Variants in AKAP6 observed in about 807,000 individuals in gnomAD.
AKAP6 encodes A-kinase anchor protein 6.
A neutral mutation model predicts 188.5 loss-of-function variants in AKAP6; 58 were observed. That is an observed-to-expected ratio of 0.31 (90% confidence interval 0.25 to 0.38). The LOEUF (loss-of-function observed/expected upper bound fraction) is 0.38, where lower values mean the gene tolerates loss of function less well. AKAP6 is among the 10% of genes least tolerant of loss of function. The pLI, the probability that AKAP6 is intolerant of heterozygous loss-of-function variation, is 1.00. For synonymous variants in AKAP6, 989 were observed against 998.6 expected, an observed-to-expected ratio of 0.99 and a Z score of 0.18; for missense variants, 2,710 against 2,740.0, an observed-to-expected ratio of 0.99 and a Z score of 0.24.
At chr14:32,417,465 T>C (rs1383300011) in intron 1 of AKAP6, among the ~76,000 whole-genome samples, 1 of 152,238 alleles carries the variant, frequency 6.6e-6, no homozygotes, top group Non-Finnish European at 1.5e-5. Flanking sequence ...CGTATTTCTC[T>C]GTAAAATTCA....
At chr14:32,615,999 G>A (rs1394579165) in intron 7 of AKAP6, among the ~76,000 whole-genome samples, 1 of 152,060 alleles carries the variant, frequency 6.6e-6, no homozygotes, top group East Asian at 1.9e-4. Context: ...ATGACTTCTT[G>A]GTTACCAAAT....
At chr14:32,742,820 TGAG>T (rs1020383401) in intron 11 of AKAP6, among the ~76,000 whole-genome samples, 1 of 152,114 alleles carries the variant, frequency 6.6e-6, no homozygotes, top group Non-Finnish European at 1.5e-5. Context: ...ATCCATGTGT[TGAG>T]GAAAAAAATG....
chr14:32,825,464 GAATACATGAC>G (rs1430702015), intron 13 of AKAP6, among the ~76,000 whole-genome samples: 1 of 152,164 alleles, frequency 6.6e-6, no homozygotes, highest in African/African-American at 2.4e-5. Flanking sequence ...AATGCAGAGA[GAATACATGAC>G]AAGTTAATGG....
chr14:32,337,614 C>T (rs1886749797), intron 1 of AKAP6, among the ~76,000 whole-genome samples: 1 of 151,676 alleles, frequency 6.6e-6, no homozygotes. Flanking sequence ...GGTACATGTG[C>T]ACAATATGCA....
intron 2 of AKAP6, among the ~76,000 whole-genome samples, chr14:32,532,512 T>C (rs976916603): frequency 6.6e-6 from 1 of 152,174 alleles, no homozygotes; most frequent in Admixed American, 6.5e-5. Flanking sequence ...CGTTCCTACA[T>C]CTATTACAAA....
At chr14:32,826,336 G>A (rs981456584) in intron 13 of AKAP6, among the ~76,000 whole-genome samples, 1 of 152,208 alleles carries the variant, frequency 6.6e-6, no homozygotes, top group Non-Finnish European at 1.5e-5. Flanking sequence ...TGTATTTTCT[G>A]TGAAACATGT....
chr14:32,476,950 G>A (rs1879097173), intron 2 of AKAP6, among the ~76,000 whole-genome samples: 2 of 152,104 alleles, frequency 1.3e-5, no homozygotes, highest in African/African-American at 4.8e-5. Context: ...CTTAAAGCGG[G>A]GTCTTACAAG....
At chr14:32,675,112 C>T (rs902345646) in intron 7 of AKAP6, among the ~76,000 whole-genome samples, 5 of 152,084 alleles carry the variant, frequency 3.3e-5, no homozygotes, top group African/African-American at 4.8e-5. Context: ...CTAATATTTC[C>T]ACTTGCTTGC....
chr14:32,380,985 A>T (rs1888337178), intron 1 of AKAP6, among the ~76,000 whole-genome samples: 1 of 152,176 alleles, frequency 6.6e-6, no homozygotes, highest in Non-Finnish European at 1.5e-5. Context: ...TGGAAGAAAC[A>T]TGCCCTCAGA....
rs149260859 is a variant in AKAP6 at position 32,791,876 on chromosome 14, G to A, written c.3588+17983G>A. Among the ~76,000 whole-genome samples the A allele has an allele frequency of 9.7e-3, 1,478 of 152,146 alleles. 24 individuals are homozygous for A. The highest frequency in any genetic ancestry group is 0.034 in the African/African-American group (1,414 of 41,508). On this transcript the variant is annotated intron_variant, in intron 12 of 13. Coordinates refer to ENST00000280979, the MANE Select transcript of AKAP6 (RefSeq NM_004274.5). Reference sequence around the variant, plus strand: ...TTCCCAGCACCATTTATTATATAGGGAATCCTTTCCCCATTGCTTCTTTTT... The same window carrying A: ...TTCCCAGCACCATTTATTATATAGGAAATCCTTTCCCCATTGCTTCTTTTT...
At chr14:32,481,946 T>G (rs1566530026) in intron 2 of AKAP6, among the ~76,000 whole-genome samples, 2 of 152,128 alleles carry the variant, frequency 1.3e-5, no homozygotes, top group Admixed American at 6.6e-5. Context: ...AAGGACTCAT[T>G]GTTATGGGAG....
intron 11 of AKAP6, among the ~76,000 whole-genome samples, chr14:32,744,415 C>G (rs1049407226): frequency 1.3e-5 from 2 of 152,084 alleles, no homozygotes; most frequent in Non-Finnish European, 2.9e-5. Context: ...CTCCTGGGTT[C>G]ACACCATTGT....
At chr14:32,778,916 T>TTA (rs1555361731) in intron 12 of AKAP6, among the ~76,000 whole-genome samples, 4 of 149,110 alleles carry the variant, frequency 2.7e-5, no homozygotes, top group Non-Finnish European at 5.9e-5. Flanking sequence ...TAGAATCATT[T>TTA]AAAAAAAAAT....
chr14:32,735,614 TTG>T lies in AKAP6; in HGVS notation c.3148-42_3148-41del, dbSNP rs772650566. ...TTTTTGTTGTTCGTGGGGTTTTTTT[TTG>T]TTTGTTTGTTTTATTTTTTGTTTTT... On this transcript the variant is annotated intron_variant, in intron 10 of 13. Coordinates refer to ENST00000280979, the MANE Select transcript of AKAP6 (RefSeq NM_004274.5). 7.8e-5 allele frequency: 111 copies of T among 1,416,774 alleles called. No homozygotes were observed. In the Middle Eastern group the frequency reaches 1.0e-3, roughly 13 times the overall value. The allele number at this position is 1,416,774 out of a possible 1,614,324, so 87.8% of individuals were successfully genotyped here. A position where few individuals can be genotyped will look rare whatever the true frequency, so the allele number is the denominator to read the frequency against.
chr14:32,608,641 G>A (rs947296995), intron 7 of AKAP6, among the ~76,000 whole-genome samples: 17 of 152,248 alleles, frequency 1.1e-4, no homozygotes, highest in Admixed American at 7.8e-4. Context: ...ACAGGGAAAA[G>A]TCATTGACAG....
At chr14:32,528,057 A>G (rs1882219192) in intron 2 of AKAP6, among the ~76,000 whole-genome samples, 2 of 150,878 alleles carry the variant, frequency 1.3e-5, no homozygotes, top group Admixed American at 1.3e-4. Flanking sequence ...CTTCTATGAT[A>G]TCTTATAGGA....
rs930475413 is a variant in AKAP6 at position 32,836,083 on chromosome 14, T to G, written c.*6278T>G. The G allele has an allele frequency of 6.6e-6, 1 of 152,220 alleles. No homozygotes were observed. The allele number at this position is 152,220 out of a possible 1,614,324, so 9.4% of individuals were successfully genotyped here. A position where few individuals can be genotyped will look rare whatever the true frequency, so the allele number is the denominator to read the frequency against. On this transcript the variant is annotated 3_prime_UTR_variant, in exon 14 of 14. Coordinates refer to ENST00000280979, the MANE Select transcript of AKAP6 (RefSeq NM_004274.5). ...ATTTGTCCTTGCATTTTGAAGTAAA[T>G]CATTGCCTGCATAAAGCAACTCTTT... is the stretch of plus-strand genomic sequence containing the variant.
intron 11 of AKAP6, among the ~76,000 whole-genome samples, chr14:32,756,781 G>T (rs57665853): frequency 6.6e-6 from 1 of 151,996 alleles, no homozygotes; most frequent in Admixed American, 6.5e-5. Flanking sequence ...GGTTTTGACT[G>T]TGAGTCCATT....
Position 32,535,001 on chromosome 14 carries a change from A to C in AKAP6, c.325-553A>C, listed in dbSNP as rs575666769. ...AACAAAAACAAACCAAAAAAAAAAAAAAAACACTGAATTTGAATATTAAGT... is the reference window on the plus strand; with the variant it reads ...AACAAAAACAAACCAAAAAAAAAAACAAAACACTGAATTTGAATATTAAGT... On this transcript the variant is annotated intron_variant, in intron 2 of 13. Transcript: ENST00000280979. Among the ~76,000 whole-genome samples the C allele has an allele frequency of 1.1e-4, 17 of 151,974 alleles. 1 individual carries two copies. Among genetic ancestry groups the C allele is most frequent in the South Asian group, 6.2e-4 (3 of 4,806 alleles).
Sources: gnomAD v4.1 joint callset for allele counts (sites outside exome capture counted in the v4.1 genomes callset) on GRCh38, gnomAD v4.1.1 for gene constraint, MANE v1.5 for transcripts, NCBI Gene and HGNC (gene_info 2026-07-23, HGNC 2026-07-21) for gene names.